MEIS3: variants seen among roughly 807,000 people sequenced by gnomAD.
The protein encoded by MEIS3 is homeobox protein Meis3.
In MEIS3, 38 loss-of-function variants were observed where a neutral mutation model predicts 51.4. The observed-to-expected ratio is 0.74, with a 90% CI of 0.57 to 0.97. The LOEUF (loss-of-function observed/expected upper bound fraction) is 0.97. Ranked by LOEUF, MEIS3 falls within the 50% of genes least tolerant of loss-of-function variation. The probability of loss-of-function intolerance (pLI) is 0.00; values close to 1 mark genes in which losing one functional copy is unlikely to be tolerated. For missense variants in MEIS3, 456 were observed against 502.6 expected (o/e 0.91, Z 0.89); for synonymous variants, 198 against 201.8 (o/e 0.98, Z 0.16).
At chr19:47,407,911 G>C (rs1462953911) in intron 8 of MEIS3, among the ~76,000 whole-genome samples, 1 of 152,110 alleles carries the variant, frequency 6.6e-6, no homozygotes, top group Non-Finnish European at 1.5e-5. Flanking sequence ...GGGTTCAAGG[G>C]ATTCCCCGCC....
At chr19:47,413,259 C>T (rs772739429) in intron 6 of MEIS3, among the ~76,000 whole-genome samples, 2 of 151,706 alleles carry the variant, frequency 1.3e-5, no homozygotes, top group African/African-American at 2.4e-5. Flanking sequence ...CCGGTGTGGT[C>T]GTGGGCACCT....
upstream of MEIS3, among the ~76,000 whole-genome samples, chr19:47,419,771 C>G (rs1299849329): frequency 6.6e-6 from 1 of 151,760 alleles, no homozygotes; most frequent in Non-Finnish European, 1.5e-5. Context: ...CTCCCTCTTT[C>G]CCAGTCTCTC....
intron 1 of MEIS3, chr19:47,417,597 G>C: frequency 1.4e-6 from 1 of 703,862 alleles, no homozygotes; most frequent in South Asian, 1.5e-5. Context: ...GGACCCAGAG[G>C]GAGAGACGGC....
chr19:47,419,044 C>T, intron 1 of MEIS3, 26 bp downstream of exon 1: 1 of 1,242,426 alleles, frequency 8.0e-7, no homozygotes, highest in Non-Finnish European at 1.0e-6. Context: ...GCGGCCGGGA[C>T]GCGGGGTCCC....
At position 47,404,675 on chromosome 19, in the gene MEIS3, A is replaced by C. The variant is rs115262508; in HGVS notation, c.*18-1122T>G. On this transcript the variant is annotated intron_variant, in intron 12 of 12. Coordinates refer to ENST00000558555, the MANE Select transcript of MEIS3 (RefSeq NM_001301059.2). ...CTCTCCTCCAGGCAGCCCTCCTTGA[A>C]TCCTCTAGTCTGGGTCAGATGCCCC... 7.8e-3 allele frequency among the ~76,000 whole-genome samples: 1,191 copies of C among 152,012 alleles called. 14 individuals are homozygous for C. The highest frequency in any genetic ancestry group is 0.027 in the African/African-American group (1,117 of 41,446).
intron 6 of MEIS3, among the ~76,000 whole-genome samples, chr19:47,409,932 G>A (rs1413565215): frequency 6.6e-6 from 1 of 152,030 alleles, no homozygotes; most frequent in Non-Finnish European, 1.5e-5. Context: ...TGGATGGGAA[G>A]CCAGTCCCTG....
At chr19:47,420,421 G>C (rs1401715252), upstream of MEIS3, among the ~76,000 whole-genome samples, 1 of 151,780 alleles carries the variant, frequency 6.6e-6, no homozygotes, top group African/African-American at 2.4e-5. Context: ...GCCAGTGGTG[G>C]GGGGCGTGGA....
chr19:47,419,008 G>T (rs148281328), intron 1 of MEIS3, 62 bp downstream of exon 1: 11,674 of 1,155,164 alleles, frequency 0.01, 85 homozygotes, highest in Middle Eastern at 0.026. Flanking sequence ...CGGAGAGTGG[G>T]GGATGCAGGG....
At chr19:47,407,671 G>A in intron 8 of MEIS3, 1 of 937,980 alleles carries the variant, frequency 1.1e-6, no homozygotes, top group Non-Finnish European at 1.5e-6. Flanking sequence ...GGCCAGCTCT[G>A]ATTAGAGAGA....
chr19:47,403,771 G>A (rs1970695115), intron 12 of MEIS3, among the ~76,000 whole-genome samples: 1 of 152,020 alleles, frequency 6.6e-6, no homozygotes, highest in Non-Finnish European at 1.5e-5. Context: ...GGGAGGGAGA[G>A]ACCTACAGAC....
rs1818856086 is a variant in MEIS3 at position 47,403,256 on chromosome 19, C to T, written c.*315G>A. 2 of 344,918 alleles carry T rather than the reference C, an allele frequency of 5.8e-6. No individual in the cohort carries two copies. The highest frequency in any genetic ancestry group is 7.9e-5 in the Admixed American group (2 of 25,246). 21.4% of individuals were successfully genotyped at this position (344,918 alleles called of 1,614,324 possible). ...CCTCCTTCCCTGACTGCCCAGCCAC[C>T]CCGTCCCTTCTCTGTCCTGGCGGCG... On this transcript the variant is annotated 3_prime_UTR_variant, in exon 13 of 13. Coordinates refer to ENST00000558555, the MANE Select transcript of MEIS3 (RefSeq NM_001301059.2).
chr19:47,407,318 CG>C (rs1970885473), intron 9 of MEIS3, 33 bp downstream of exon 9: 1 of 1,601,726 alleles, frequency 6.2e-7, no homozygotes, highest in Non-Finnish European at 8.5e-7. Flanking sequence ...GCTCTCGCCC[CG>C]GGCCGGCCCG....
At chr19:47,417,520 C>A in intron 1 of MEIS3, 170 bp from the exon 2 acceptor site, 3 of 810,866 alleles carry the variant, frequency 3.7e-6, no homozygotes, top group Non-Finnish European at 6.2e-6. Flanking sequence ...CCTCCAGGTC[C>A]CCTGGAGCTG....
Position 47,406,876 on chromosome 19 carries a change from G to C in MEIS3, c.1078+12C>G. On this transcript the variant is annotated intron_variant, in intron 11 of 12. Transcript: ENST00000558555. Reference sequence around the variant, plus strand: ...CGCAGGGGCGGGGCCTAGCTAAGGGGGCGAGGCTTACCCGGAGGCCGGACG... The same window carrying C: ...CGCAGGGGCGGGGCCTAGCTAAGGGCGCGAGGCTTACCCGGAGGCCGGACG... 6.4e-7 allele frequency: 1 copy of C among 1,562,512 alleles called. No individual in the cohort carries two copies. Among genetic ancestry groups the C allele is most frequent in the Non-Finnish European group, 8.6e-7 (1 of 1,156,742 alleles).
rs549679245 is a variant in MEIS3 at position 47,419,172 on chromosome 19, G to T, written c.-91C>A. ...GGGCCGCAGCCCCTGACGGCCCGCG[G>T]TGTTGACGCCAGGGGGTGGGCAGGA... On this transcript the variant is annotated 5_prime_UTR_variant, in exon 1 of 13. Transcript: ENST00000558555. 3.1e-6 allele frequency: 3 copies of T among 957,034 alleles called. No homozygotes were observed. The highest frequency in any genetic ancestry group is 5.2e-5 in the South Asian group (1 of 19,110). The allele number at this position is 957,034 out of a possible 1,614,324, so 59.3% of individuals were successfully genotyped here. A position where few individuals can be genotyped will look rare whatever the true frequency, so the allele number is the denominator to read the frequency against.
chr19:47,416,887 C>T lies in MEIS3; in HGVS notation c.262G>A (p.Gly88Arg), dbSNP rs376771899. The T allele has an allele frequency of 2.7e-5, 44 of 1,613,674 alleles. No individual in the cohort carries two copies. In the East Asian group the frequency reaches 4.2e-4, roughly 16 times the overall value. ...LATCSPRDGA[G>R]AGLGTPPGGD... is the part of the protein sequence containing the mutation. Reference sequence around the variant, plus strand: ...CCAGGGGGTGTCCCCAGCCCAGCTCCGGCCCCGTCACGGGGAGAGCATGTA... The same window carrying T: ...CCAGGGGGTGTCCCCAGCCCAGCTCTGGCCCCGTCACGGGGAGAGCATGTA... Residue 88 changes from glycine to arginine, a missense_variant, in exon 3 of 13, where the codon GGA becomes AGA. Coordinates refer to ENST00000558555, the MANE Select transcript of MEIS3 (RefSeq NM_001301059.2).
Position 47,403,148 on chromosome 19 carries a change from T to C in MEIS3, c.*423A>G. Reference sequence around the variant, plus strand: ...CTCCGTGTTTTTAAGACTTTATCATTAAAAAAAAGAAGAAATTAGAGAAGG... The same window carrying C: ...CTCCGTGTTTTTAAGACTTTATCATCAAAAAAAAGAAGAAATTAGAGAAGG... On this transcript the variant is annotated 3_prime_UTR_variant, in exon 13 of 13. Coordinates refer to ENST00000558555, the MANE Select transcript of MEIS3 (RefSeq NM_001301059.2). The C allele has an allele frequency of 4.3e-6, 1 of 235,132 alleles. No homozygotes were observed. Among genetic ancestry groups the C allele is most frequent in the South Asian group, 4.2e-5 (1 of 23,996 alleles). The allele number at this position is 235,132 out of a possible 1,614,324, so 14.6% of individuals were successfully genotyped here.
Position 47,409,435 on chromosome 19 carries a change from C to G in MEIS3, c.709+1G>C. 6.2e-7 allele frequency: 1 copy of G among 1,610,838 alleles called. No homozygotes were observed. The highest frequency in any genetic ancestry group is 1.3e-5 in the African/African-American group (1 of 74,986). On this transcript the variant is annotated splice_donor_variant, in intron 7 of 12. Coordinates refer to ENST00000558555, the MANE Select transcript of MEIS3 (RefSeq NM_001301059.2). LOFTEE classifies it high-confidence loss of function. ...TCCCTTCCACCTCCCAAGATTCTCA[C>G]CTTGGTCACTGGAGTTGTCCCCACT...
chr19:47,420,940 A>ACACTCT (rs1187725467), upstream of MEIS3, among the ~76,000 whole-genome samples: 111 of 90,976 alleles, frequency 1.2e-3, no homozygotes, highest in African/African-American at 2.8e-3. Context: ...ACACACACAC[A>ACACTCT]CTCTCTCTCT....
Sources: gnomAD v4.1 joint callset for allele counts (sites outside exome capture counted in the v4.1 genomes callset) on GRCh38, gnomAD v4.1.1 for gene constraint, MANE v1.5 for transcripts, NCBI Gene and HGNC (gene_info 2026-07-23, HGNC 2026-07-21) for gene names.